Variants in TAFA2 observed in about 807,000 individuals in gnomAD.
The protein encoded by TAFA2 is TAFA chemokine like family member 2.
Under a neutral mutation model 18.8 loss-of-function variants are expected in TAFA2, and 7 were observed. The ratio of observed to expected loss-of-function variants is 0.37; its 90% confidence interval spans 0.21 to 0.70. TAFA2 has a LOEUF of 0.70. Ranked by LOEUF, TAFA2 falls within the 30% of genes least tolerant of loss-of-function variation. The pLI is 0.53. For synonymous variants in TAFA2, 60 were observed against 54.2 expected (o/e 1.11, Z -0.47); for missense variants, 122 against 158.1 (o/e 0.77, Z 1.23).
chr12:61,903,499 C>T lies in TAFA2; in HGVS notation c.-1-36073G>A, dbSNP rs191837789. 6.8e-4 allele frequency among the ~76,000 whole-genome samples: 103 copies of T among 152,178 alleles called. 1 individual carries two copies. Among genetic ancestry groups the T allele is most frequent in the African/African-American group, 2.3e-3 (95 of 41,524 alleles). ...TTTTCTGACTCCAGCATCTAAGTTC[C>T]GTAAGAGAAAACTTTTCTGTCGTCT... On this transcript the variant is annotated intron_variant, in intron 1 of 4. Transcript: ENST00000416284.
chr12:61,752,107 G>A (rs572440081), intron 4 of TAFA2, among the ~76,000 whole-genome samples: 2 of 151,946 alleles, frequency 1.3e-5, no homozygotes, highest in Non-Finnish European at 2.9e-5. Context: ...ATGTCCTTGG[G>A]AAGTTACATA....
At chr12:62,161,952 A>G (rs1189856816) in intron 1 of TAFA2, among the ~76,000 whole-genome samples, 1 of 152,180 alleles carries the variant, frequency 6.6e-6, no homozygotes, top group African/African-American at 2.4e-5. Flanking sequence ...GGTAAAATTG[A>G]TTTCATTATA....
chr12:62,008,627 T>G (rs1359230439), intron 1 of TAFA2, among the ~76,000 whole-genome samples: 1 of 152,198 alleles, frequency 6.6e-6, no homozygotes, highest in Non-Finnish European at 1.5e-5. Flanking sequence ...ATCTTTGAGA[T>G]GAACACATTT....
Position 61,880,063 on chromosome 12 carries a change from C to T in TAFA2, c.-1-12637G>A, listed in dbSNP as rs562479092. 206 of 659,770 alleles carry T rather than the reference C, an allele frequency of 3.1e-4. 3 individuals are homozygous for T. The East Asian group carries it at 5.2e-3, about 17-fold the overall frequency. 40.9% of individuals were successfully genotyped at this position (659,770 alleles called of 1,614,324 possible). A position where few individuals can be genotyped will look rare whatever the true frequency, so the allele number is the denominator to read the frequency against. ...TCTCGGACACGTCTGTGGTGCTGTC[C>T]ATAGACAGCAGCCACTCCCTGGACA... On this transcript the variant is annotated intron_variant, in intron 1 of 4. Coordinates refer to ENST00000416284, the MANE Select transcript of TAFA2 (RefSeq NM_178539.5).
intron 1 of TAFA2, among the ~76,000 whole-genome samples, chr12:61,979,409 T>C (rs573370525): frequency 6.6e-6 from 1 of 152,298 alleles, no homozygotes; most frequent in South Asian, 2.1e-4. Context: ...CTATGGGTTC[T>C]ATATTATATC....
rs147758410 is a variant in TAFA2 at position 61,848,688 on chromosome 12, T to C, written c.106+18632A>G. The stretch of plus-strand genomic sequence containing the variant: ...ACACTGTATCTTCAGTTATCCTGTT[T>C]GAAGAAAAAGGACAAATAAAACATG... On this transcript the variant is annotated intron_variant, in intron 2 of 4. Coordinates refer to ENST00000416284, the MANE Select transcript of TAFA2 (RefSeq NM_178539.5). Among the ~76,000 whole-genome samples, 5 of 149,376 alleles carry C rather than the reference T, an allele frequency of 3.3e-5. No individual in the cohort carries two copies. In the East Asian group the frequency reaches 7.9e-4, roughly 23 times the overall value.
chr12:61,821,166 A>C (rs548156869), intron 2 of TAFA2, among the ~76,000 whole-genome samples: 1 of 120,572 alleles, frequency 8.3e-6, no homozygotes, highest in Non-Finnish European at 1.8e-5. Flanking sequence ...CACACACACA[A>C]TTATTTGGAG....
chr12:61,759,322 A>G (rs1447017822), intron 2 of TAFA2, among the ~76,000 whole-genome samples: 1 of 152,054 alleles, frequency 6.6e-6, no homozygotes, highest in African/African-American at 2.4e-5. Context: ...ATATAAGGGC[A>G]TGACGTGCTT....
At chr12:61,995,490 ATTT>A (rs1463399912) in intron 1 of TAFA2, among the ~76,000 whole-genome samples, 1 of 151,960 alleles carries the variant, frequency 6.6e-6, no homozygotes, top group African/African-American at 2.4e-5. Flanking sequence ...TTGGGTTTTT[ATTT>A]TTTATTTGTT....
In TAFA2 at chr12:61,990,198, T is replaced by C. The variant is rs568775007; in HGVS notation, c.-1-122772A>G. 1.2e-4 allele frequency among the ~76,000 whole-genome samples: 19 copies of C among 152,232 alleles called. No individual in the cohort carries two copies. The East Asian group carries it at 2.5e-3, about 20-fold the overall frequency. On this transcript the variant is annotated intron_variant, in intron 1 of 4. Transcript: ENST00000416284. Reference sequence around the variant, plus strand: ...AGCTGCAGTATAATGAAAAAAGCCATGGATTAGCAGTCAGGAGTCTCAGCT... The same window carrying C: ...AGCTGCAGTATAATGAAAAAAGCCACGGATTAGCAGTCAGGAGTCTCAGCT...
chr12:61,834,015 A>G (rs997288671), intron 2 of TAFA2, among the ~76,000 whole-genome samples: 1 of 152,070 alleles, frequency 6.6e-6, no homozygotes, highest in African/African-American at 2.4e-5. Context: ...GGATAGAATC[A>G]CTATACCTCC....
chr12:62,000,288 G>T (rs1880337715), intron 1 of TAFA2, among the ~76,000 whole-genome samples: 1 of 128,322 alleles, frequency 7.8e-6, no homozygotes, highest in Admixed American at 9.4e-5. Flanking sequence ...CTCAAAGAAA[G>T]AAACCACATC....
intron 2 of TAFA2, among the ~76,000 whole-genome samples, chr12:61,831,488 T>G (rs1201904657): frequency 1.3e-5 from 2 of 152,040 alleles, no homozygotes; most frequent in Non-Finnish European, 2.9e-5. Context: ...GGGCCCTGAA[T>G]CCACCAATTT....
rs188262822 is a variant in TAFA2 at position 61,962,827 on chromosome 12, G to A, written c.-1-95401C>T. ...AGGTTTGTTACATAGACATACACAT[G>A]CCATGGTGGTTTGCTGCACCCATCA... On this transcript the variant is annotated intron_variant, in intron 1 of 4. Transcript: ENST00000416284. Among the ~76,000 whole-genome samples the A allele has an allele frequency of 1.1e-3, 162 of 151,960 alleles. 2 individuals are homozygous for A. The Middle Eastern group carries it at 0.014, about 13-fold the overall frequency.
At chr12:61,879,364 GC>G (rs1424225843) in intron 1 of TAFA2, 21 of 731,248 alleles carry the variant, frequency 2.9e-5, no homozygotes, top group Non-Finnish European at 3.9e-5. Context: ...TCCACCTCTG[GC>G]CCCCGGGCCT....
At chr12:61,859,127 A>T (rs1018760152) in intron 2 of TAFA2, among the ~76,000 whole-genome samples, 1 of 152,272 alleles carries the variant, frequency 6.6e-6, no homozygotes, top group Non-Finnish European at 1.5e-5. Context: ...ACAGTTAAGC[A>T]TGGTTAGGAA....
At chr12:62,245,658 T>C (rs1198418698) in intron 1 of TAFA2, among the ~76,000 whole-genome samples, 1 of 147,664 alleles carries the variant, frequency 6.8e-6, no homozygotes, top group Non-Finnish European at 1.5e-5. Context: ...TTATAGAATA[T>C]ACATTAAAAT....
At chr12:62,090,742 C>A (rs1868676208) in intron 1 of TAFA2, among the ~76,000 whole-genome samples, 1 of 152,006 alleles carries the variant, frequency 6.6e-6, no homozygotes, top group Non-Finnish European at 1.5e-5. Context: ...CCTATTGCAG[C>A]ATTCATTTTC....
At chr12:61,851,210 T>C (rs1395598870) in intron 2 of TAFA2, among the ~76,000 whole-genome samples, 1 of 152,134 alleles carries the variant, frequency 6.6e-6, no homozygotes, top group East Asian at 1.9e-4. Flanking sequence ...CAAGGGGCCA[T>C]GGGACCATAT....
Sources: gnomAD v4.1 joint callset for allele counts (sites outside exome capture counted in the v4.1 genomes callset) on GRCh38, gnomAD v4.1.1 for gene constraint, MANE v1.5 for transcripts, NCBI Gene and HGNC (gene_info 2026-07-23, HGNC 2026-07-21) for gene names.